Variants in CBFA2T2 observed in about 807,000 individuals in gnomAD.
CBFA2T2 encodes the protein protein CBFA2T2.
In CBFA2T2, 11 loss-of-function variants were observed where a neutral mutation model predicts 62.2. The observed-to-expected ratio is 0.18, with a 90% CI of 0.11 to 0.29. CBFA2T2 has a LOEUF of 0.29. Among genes scored for constraint, CBFA2T2 ranks in the 10% least tolerant of loss-of-function variants. CBFA2T2 has a pLI of 1.00. For synonymous variants in CBFA2T2, 295 were observed against 287.5 expected, an observed-to-expected ratio of 1.03 and a Z score of -0.27; for missense variants, 592 against 774.1, an observed-to-expected ratio of 0.76 and a Z score of 2.79.
intron 1 of CBFA2T2, among the ~76,000 whole-genome samples, chr20:33,557,408 T>G (rs1314356891): frequency 2.6e-5 from 4 of 152,176 alleles, no homozygotes; most frequent in African/African-American, 9.7e-5. Context: ...GAAATCAAGA[T>G]CTGGGTGTTC....
At chr20:33,605,645 T>G (rs1255152682) in intron 1 of CBFA2T2, among the ~76,000 whole-genome samples, 1 of 152,206 alleles carries the variant, frequency 6.6e-6, no homozygotes, top group Non-Finnish European at 1.5e-5. Flanking sequence ...TATTAATTGT[T>G]CCCATAGATG....
At chr20:33,508,739 C>T (rs2011449991) in intron 1 of CBFA2T2, among the ~76,000 whole-genome samples, 1 of 152,182 alleles carries the variant, frequency 6.6e-6, no homozygotes, top group Non-Finnish European at 1.5e-5. Context: ...CCATCCATGT[C>T]CCTGCTGCAA....
chr20:33,591,460 T>A (rs1267590277), intron 1 of CBFA2T2, among the ~76,000 whole-genome samples: 25 of 73,128 alleles, frequency 3.4e-4, no homozygotes, highest in Non-Finnish European at 3.7e-4. Flanking sequence ...AGCAACAGAG[T>A]AAATCTCAAA....
At chr20:33,560,847 C>T (rs1455135721) in intron 1 of CBFA2T2, among the ~76,000 whole-genome samples, 1 of 152,076 alleles carries the variant, frequency 6.6e-6, no homozygotes, top group African/African-American at 2.4e-5. Flanking sequence ...AGCCAAGACC[C>T]CCGCCTTCCC....
intron 1 of CBFA2T2, among the ~76,000 whole-genome samples, chr20:33,546,142 TA>T (rs1233200328): frequency 6.6e-6 from 1 of 152,230 alleles, no homozygotes; most frequent in East Asian, 1.9e-4. Flanking sequence ...TATTTGTATA[TA>T]AACTGCTAAT....
intron 1 of CBFA2T2, among the ~76,000 whole-genome samples, chr20:33,515,344 C>T (rs966441135): frequency 2.4e-5 from 2 of 81,774 alleles, no homozygotes; most frequent in African/African-American, 9.6e-5. Flanking sequence ...AAGCAAGACT[C>T]CATCTCAAAA....
At chr20:33,624,489 T>G (rs1328885087) in intron 5 of CBFA2T2, among the ~76,000 whole-genome samples, 1 of 152,218 alleles carries the variant, frequency 6.6e-6, no homozygotes, top group Non-Finnish European at 1.5e-5. Flanking sequence ...CGGTGTCATC[T>G]CCTTAGTCTC....
chr20:33,586,435 A>G (rs534677657), intron 1 of CBFA2T2, among the ~76,000 whole-genome samples: 95 of 152,040 alleles, frequency 6.2e-4, no homozygotes, highest in Non-Finnish European at 1.1e-3. Context: ...CGCCCAGCCT[A>G]TTATCATTGT....
intron 2 of CBFA2T2, among the ~76,000 whole-genome samples, chr20:33,609,496 G>A (rs571587390): frequency 6.6e-6 from 1 of 151,846 alleles, no homozygotes; most frequent in East Asian, 1.9e-4. Flanking sequence ...AGCAAGACTC[G>A]GTCTCTAAAA....
rs373386216 is a variant in CBFA2T2 at position 33,602,810 on chromosome 20, T to A, written c.35-4146T>A. Reference sequence around the variant, plus strand: ...CACTTAGTACTTTACAGCTTCACTTTGGTGTGTCCGAATTGCCAGCATCAC... The same window carrying A: ...CACTTAGTACTTTACAGCTTCACTTAGGTGTGTCCGAATTGCCAGCATCAC... On this transcript the variant is annotated intron_variant, in intron 1 of 10. Transcript: ENST00000342704. Among the ~76,000 whole-genome samples, 59 of 152,338 alleles carry A rather than the reference T, an allele frequency of 3.9e-4. 1 individual carries two copies. The highest frequency in any genetic ancestry group is 1.4e-3 in the African/African-American group (58 of 41,578).
At chr20:33,515,828 G>A (rs113401543) in intron 1 of CBFA2T2, among the ~76,000 whole-genome samples, 7,137 of 150,076 alleles carry the variant, frequency 0.048, 486 homozygotes, top group Admixed American at 0.14. Context: ...AAAACGGGGC[G>A]GGGGGAATAT....
chr20:33,644,761 G>A lies in CBFA2T2; in HGVS notation c.*115G>A. ...CCGGGTCATCAGCAAGAAATGAATT[G>A]GAGGCAGGAAGAGTCCAAGCCTGAA... On this transcript the variant is annotated 3_prime_UTR_variant, in exon 11 of 11. Transcript: ENST00000342704. The A allele has an allele frequency of 1.7e-6, 2 of 1,155,182 alleles. No individual in the cohort carries two copies. Among genetic ancestry groups the A allele is most frequent in the East Asian group, 4.8e-5 (2 of 41,800 alleles). The allele number at this position is 1,155,182 out of a possible 1,614,324, so 71.6% of individuals were successfully genotyped here.
intron 1 of CBFA2T2, 50 bp downstream of exon 1, chr20:33,490,351 C>T (rs754667609): frequency 1.3e-5 from 16 of 1,258,760 alleles, no homozygotes; most frequent in South Asian, 3.5e-5. Flanking sequence ...TGAGGGCCTG[C>T]GGCTCCGCAG....
chr20:33,639,289 A>G (rs935325094), intron 9 of CBFA2T2: 1 of 152,168 alleles, frequency 6.6e-6, no homozygotes, highest in African/African-American at 2.4e-5. Context: ...AATAAAGTCA[A>G]GCCGACTGGG....
chr20:33,508,738 T>G (rs964903164), intron 1 of CBFA2T2, among the ~76,000 whole-genome samples: 4 of 152,198 alleles, frequency 2.6e-5, no homozygotes, highest in Non-Finnish European at 5.9e-5. Flanking sequence ...TCCATCCATG[T>G]CCCTGCTGCA....
rs576065679 is a variant in CBFA2T2 at position 33,556,158 on chromosome 20, C to T, written c.35-50798C>T. On this transcript the variant is annotated intron_variant, in intron 1 of 10. Coordinates refer to ENST00000342704, the MANE Select transcript of CBFA2T2 (RefSeq NM_001032999.3). ...TTGGGATTACAAATGTGAGCCACTG[C>T]GGCTCTTTAATTTTTCTTATTCTAA... is the stretch of plus-strand genomic sequence containing the variant. 3.3e-4 allele frequency among the ~76,000 whole-genome samples: 50 copies of T among 152,310 alleles called. 1 individual carries two copies. The East Asian group carries it at 8.7e-3, about 26-fold the overall frequency.
intron 1 of CBFA2T2, among the ~76,000 whole-genome samples, chr20:33,596,915 C>G (rs1317899166): frequency 1.4e-5 from 2 of 146,184 alleles, no homozygotes; most frequent in African/African-American, 5.2e-5. Context: ...GTTTCTTGAC[C>G]TCTGTTTTTT....
chr20:33,579,323 C>T (rs531668468), intron 1 of CBFA2T2, among the ~76,000 whole-genome samples: 103 of 152,016 alleles, frequency 6.8e-4, no homozygotes, highest in Non-Finnish European at 1.0e-3. Context: ...CAGTCTCAGC[C>T]TCCCAAAGCA....
At chr20:33,627,213 TGG>T (rs2016266961) in intron 6 of CBFA2T2, among the ~76,000 whole-genome samples, 1 of 152,006 alleles carries the variant, frequency 6.6e-6, no homozygotes, top group African/African-American at 2.4e-5. Flanking sequence ...CTGGCTAACA[TGG>T]TAAAACCCCG....
Sources: allele counts gnomAD v4.1 joint callset (sites outside exome capture counted in the v4.1 genomes callset), GRCh38; gene constraint gnomAD v4.1.1; transcripts MANE v1.5; gene names NCBI Gene and HGNC (gene_info 2026-07-23, HGNC 2026-07-21).